TBCK: variants seen among roughly 807,000 people sequenced by gnomAD.
TBCK encodes the protein TBC1 domain containing kinase.
In TBCK, 99 loss-of-function variants were observed where a neutral mutation model predicts 113.4. The ratio of observed to expected loss-of-function variants is 0.87; its 90% CI spans 0.74 to 1.03. TBCK has a LOEUF of 1.03. Among genes scored for constraint, TBCK ranks in the 50% least tolerant of loss-of-function variants. TBCK has a pLI of 0.00. For missense variants in TBCK, 1,045 were observed against 1,061.3 expected (o/e 0.98, Z 0.21); for synonymous variants, 369 against 370.8 (o/e 1.00, Z 0.05).
At chr4:106,121,979 G>A (rs1744451731) in intron 23 of TBCK, among the ~76,000 whole-genome samples, 1 of 151,994 alleles carries the variant, frequency 6.6e-6, no homozygotes, top group Non-Finnish European at 1.5e-5. Context: ...AAAAGCAAGA[G>A]CAAACACATT....
intron 18 of TBCK, among the ~76,000 whole-genome samples, chr4:106,230,803 C>G (rs767408148): frequency 7.9e-5 from 12 of 151,722 alleles, no homozygotes; most frequent in Non-Finnish European, 1.6e-4. Flanking sequence ...GCTGCTGATG[C>G]AAACAAGAGT....
intron 25 of TBCK, among the ~76,000 whole-genome samples, chr4:106,087,155 A>T (rs1009225511): frequency 6.6e-6 from 1 of 152,250 alleles, no homozygotes; most frequent in African/African-American, 2.4e-5. Context: ...CTCTGTTTGC[A>T]GATAACATGA....
intron 25 of TBCK, among the ~76,000 whole-genome samples, chr4:106,055,561 C>T (rs1735289541): frequency 6.6e-6 from 1 of 151,280 alleles, no homozygotes; most frequent in Non-Finnish European, 1.5e-5. Context: ...TACACACACA[C>T]ACACACACAC....
chr4:106,204,013 A>T (rs1755175051), intron 20 of TBCK, among the ~76,000 whole-genome samples: 1 of 152,186 alleles, frequency 6.6e-6, no homozygotes, highest in African/African-American at 2.4e-5. Context: ...TAATATATCC[A>T]TTATAGCTTG....
intron 20 of TBCK, among the ~76,000 whole-genome samples, chr4:106,200,910 A>C (rs1006183525): frequency 6.6e-6 from 1 of 152,154 alleles, no homozygotes; most frequent in African/African-American, 2.4e-5. Context: ...GTTTTCAACA[A>C]ATATGAAATA....
chr4:106,183,454 T>C (rs936585480), intron 22 of TBCK, among the ~76,000 whole-genome samples: 2 of 152,016 alleles, frequency 1.3e-5, no homozygotes, highest in African/African-American at 4.8e-5. Context: ...AAGACAGCCA[T>C]GAGCCTCACA....
At position 106,225,515 on chromosome 4, in the gene TBCK, A is replaced by G. The variant is rs140283278; in HGVS notation, c.1774+4848T>C. 8.5e-5 allele frequency among the ~76,000 whole-genome samples: 13 copies of G among 152,204 alleles called. No individual in the cohort carries two copies. In the East Asian group the frequency reaches 2.5e-3, roughly 29 times the overall value. ...CGCTCTGTCACCCAGGCTGGAGTGC[A>G]GTGGCGCAATCTCGGTTCACTGCAA... On this transcript the variant is annotated intron_variant, in intron 19 of 25. Coordinates refer to ENST00000394708, the MANE Select transcript of TBCK (RefSeq NM_001163435.3).
intron 24 of TBCK, among the ~76,000 whole-genome samples, chr4:106,103,317 G>C (rs1000508459): frequency 1.3e-5 from 2 of 152,120 alleles, no homozygotes; most frequent in Admixed American, 6.5e-5. Flanking sequence ...GGTGCTGAAG[G>C]TAATAGCTTA....
chr4:106,200,274 C>T (rs1754728236), intron 20 of TBCK, among the ~76,000 whole-genome samples: 1 of 152,204 alleles, frequency 6.6e-6, no homozygotes, highest in African/African-American at 2.4e-5. Context: ...GGTGCAGTGG[C>T]TCATTCCCAC....
At chr4:106,197,574 A>G (rs907346965) in intron 20 of TBCK, among the ~76,000 whole-genome samples, 1 of 151,980 alleles carries the variant, frequency 6.6e-6, no homozygotes, top group African/African-American at 2.4e-5. Context: ...AAACACCCAC[A>G]ACTGTTATAA....
chr4:106,246,428 G>A (rs1053302541), intron 10 of TBCK, among the ~76,000 whole-genome samples: 4 of 152,014 alleles, frequency 2.6e-5, no homozygotes, highest in African/African-American at 9.7e-5. Flanking sequence ...AGAATTAAAA[G>A]TCTAAAAGCT....
At chr4:106,130,952 TAATA>T (rs1201129695) in intron 23 of TBCK, among the ~76,000 whole-genome samples, 2 of 152,092 alleles carry the variant, frequency 1.3e-5, no homozygotes, top group African/African-American at 2.4e-5. Flanking sequence ...GTTAAAAAGA[TAATA>T]AATATTATCT....
chr4:106,128,594 C>T (rs1745504447), intron 23 of TBCK, among the ~76,000 whole-genome samples: 1 of 151,808 alleles, frequency 6.6e-6, no homozygotes, highest in Non-Finnish European at 1.5e-5. Context: ...TAGAATTAAC[C>T]TTATATTTAA....
intron 3 of TBCK, among the ~76,000 whole-genome samples, chr4:106,264,022 G>A (rs1165035876): frequency 6.6e-6 from 1 of 151,834 alleles, no homozygotes; most frequent in Non-Finnish European, 1.5e-5. Context: ...CAATTCTGGT[G>A]GTAGACTTTT....
chr4:106,129,244 T>G (rs1340828759), intron 23 of TBCK, among the ~76,000 whole-genome samples: 1 of 152,184 alleles, frequency 6.6e-6, no homozygotes, highest in African/African-American at 2.4e-5. Context: ...ACCCATCACC[T>G]AGGTATTAAG....
chr4:106,194,986 G>T (rs1277529090), intron 20 of TBCK, among the ~76,000 whole-genome samples: 1 of 152,044 alleles, frequency 6.6e-6, no homozygotes, highest in Non-Finnish European at 1.5e-5. Flanking sequence ...AACTGGATGT[G>T]TAAACAGACT....
chr4:106,195,762 T>TA (rs1754160616), intron 20 of TBCK, among the ~76,000 whole-genome samples: 1 of 151,992 alleles, frequency 6.6e-6, no homozygotes. Context: ...GAATCAGAAT[T>TA]ACAAACACCT....
intron 14 of TBCK, 28 bp from the exon 15 acceptor site, chr4:106,235,395 G>A (rs373734501): frequency 6.1e-5 from 90 of 1,480,264 alleles, no homozygotes; most frequent in Non-Finnish European, 7.6e-5. Flanking sequence ...AAATGAAAAC[G>A]TCTCAAATTA....
intron 25 of TBCK, among the ~76,000 whole-genome samples, chr4:106,088,939 C>T (rs921677243): frequency 5.9e-5 from 9 of 151,664 alleles, no homozygotes; most frequent in African/African-American, 1.7e-4. Context: ...TGCTGGTGGG[C>T]GAGGGAAGGG....
Sources: allele counts gnomAD v4.1 joint callset (sites outside exome capture counted in the v4.1 genomes callset), GRCh38; gene constraint gnomAD v4.1.1; transcripts MANE v1.5; gene names NCBI Gene and HGNC (gene_info 2026-07-23, HGNC 2026-07-21).